The following CPNE8 variants were observed in gnomAD, a reference collection of about 807,000 sequenced individuals.
CPNE8 encodes the protein copine 8, also known as copine-8.
CPNE8 carries 45 observed loss-of-function variants against 81.5 expected under a neutral mutation model. The observed-to-expected ratio is 0.55, with a 90% CI of 0.44 to 0.71. The LOEUF is 0.71. Among genes scored for constraint, CPNE8 ranks in the 30% least tolerant of loss-of-function variants. The pLI is 0.00. For synonymous variants in CPNE8, 252 were observed against 226.3 expected (o/e 1.11, Z -1.02); for missense variants, 594 against 672.1 (o/e 0.88, Z 1.28).
At chr12:38,654,514 C>CA (rs71068569) in intron 19 of CPNE8, among the ~76,000 whole-genome samples, 37,733 of 97,500 alleles carry the variant, frequency 0.39, 8,257 homozygotes, top group East Asian at 0.56. Flanking sequence ...GACTCTGTCT[C>CA]AAAAAAAAAA....
intron 11 of CPNE8, 39 bp from the exon 12 acceptor site, chr12:38,724,938 T>A: frequency 6.7e-7 from 1 of 1,485,366 alleles, no homozygotes; most frequent in Non-Finnish European, 9.2e-7. Context: ...GTGTTAGGTT[T>A]TATACCGAAG....
chr12:38,729,125 G>A, intron 11 of CPNE8, among the ~76,000 whole-genome samples: 1 of 152,104 alleles, frequency 6.6e-6, no homozygotes, highest in Non-Finnish European at 1.5e-5. Flanking sequence ...CTGACTAGCA[G>A]TAGATGATGC....
intron 7 of CPNE8, among the ~76,000 whole-genome samples, chr12:38,773,178 A>G (rs879119604): frequency 3.3e-5 from 5 of 152,150 alleles, no homozygotes; most frequent in Admixed American, 3.3e-4. Context: ...ACTGGAAGGT[A>G]TTATCAAGGA....
At chr12:38,790,861 C>T (rs1006267140) in intron 6 of CPNE8, among the ~76,000 whole-genome samples, 1 of 151,458 alleles carries the variant, frequency 6.6e-6, no homozygotes, top group African/African-American at 2.4e-5. Context: ...TTTGTTTTGC[C>T]CTGTACTGAT....
intron 10 of CPNE8, among the ~76,000 whole-genome samples, chr12:38,755,421 C>T (rs1438332692): frequency 6.6e-6 from 1 of 152,108 alleles, no homozygotes; most frequent in Admixed American, 6.5e-5. Context: ...TCCACTAATG[C>T]TCCCTGAATT....
At chr12:38,744,051 T>C (rs1173418750) in intron 10 of CPNE8, among the ~76,000 whole-genome samples, 3 of 152,136 alleles carry the variant, frequency 2.0e-5, no homozygotes, top group Non-Finnish European at 2.9e-5. Flanking sequence ...GGATCTATTA[T>C]AAGCAGCATC....
At chr12:38,778,432 G>A (rs1194999292) in intron 6 of CPNE8, among the ~76,000 whole-genome samples, 1 of 152,038 alleles carries the variant, frequency 6.6e-6, no homozygotes, top group Non-Finnish European at 1.5e-5. Context: ...TAAAACTATG[G>A]GTTTCACTGT....
At chr12:38,805,860 A>G (rs1942788119) in intron 6 of CPNE8, among the ~76,000 whole-genome samples, 1 of 149,618 alleles carries the variant, frequency 6.7e-6, no homozygotes. Flanking sequence ...ACCACTAGCA[A>G]GACTAATAAA....
chr12:38,676,926 C>A (rs989809585), intron 17 of CPNE8, among the ~76,000 whole-genome samples: 1 of 152,030 alleles, frequency 6.6e-6, no homozygotes, highest in South Asian at 2.1e-4. Context: ...CATTGCTAAA[C>A]CTAGAGACTT....
intron 6 of CPNE8, among the ~76,000 whole-genome samples, chr12:38,784,417 A>G (rs112306746): frequency 6.6e-6 from 1 of 152,210 alleles, no homozygotes; most frequent in Non-Finnish European, 1.5e-5. Flanking sequence ...GGCCTTTTAA[A>G]AAGGAGGCAA....
chr12:38,760,899 G>T lies in CPNE8; in HGVS notation c.681-11C>A, dbSNP rs761012963. 3.9e-6 allele frequency: 6 copies of T among 1,543,200 alleles called. No individual in the cohort carries two copies. The highest frequency in any genetic ancestry group is 1.2e-5 in the South Asian group (1 of 82,052). On this transcript the variant is annotated splice_polypyrimidine_tract_variant and intron_variant, in intron 9 of 19. Transcript: ENST00000331366. ...TCTACTTTGATTGTTCTGTACATGAGAAAAACATACACATAAAGTTACTTA... is the reference window on the plus strand; with the variant it reads ...TCTACTTTGATTGTTCTGTACATGATAAAAACATACACATAAAGTTACTTA...
At chr12:38,692,518 C>A (rs1939699851) in intron 15 of CPNE8, among the ~76,000 whole-genome samples, 6 of 151,960 alleles carry the variant, frequency 3.9e-5, no homozygotes, top group Admixed American at 3.9e-4. Flanking sequence ...TTATTGAGTT[C>A]AAAAAGTTTC....
At chr12:38,792,384 A>G (rs1942346639) in intron 6 of CPNE8, among the ~76,000 whole-genome samples, 2 of 151,534 alleles carry the variant, frequency 1.3e-5, no homozygotes, top group Admixed American at 1.3e-4. Context: ...TAACAAAATC[A>G]GATGAAAGAG....
At chr12:38,762,295 C>T (rs1941589994) in intron 8 of CPNE8, 79 bp from the exon 9 acceptor site, 1 of 707,796 alleles carries the variant, frequency 1.4e-6, no homozygotes, top group Non-Finnish European at 2.2e-6. Context: ...CATTCCTCTG[C>T]TTACTTTTTG....
At chr12:38,839,804 C>G (rs1481463151) in intron 5 of CPNE8, 112 bp downstream of exon 5, 1 of 963,306 alleles carries the variant, frequency 1.0e-6, no homozygotes, top group Non-Finnish European at 1.4e-6. Context: ...TTTTCTATGA[C>G]AATCACGTTA....
intron 6 of CPNE8, among the ~76,000 whole-genome samples, chr12:38,794,045 C>T (rs186879059): frequency 7.2e-5 from 11 of 152,220 alleles, no homozygotes; most frequent in Admixed American, 6.5e-4. Context: ...TTATCTTACA[C>T]TATACACAAA....
chr12:38,750,797 G>A (rs1941339971), intron 10 of CPNE8, among the ~76,000 whole-genome samples: 1 of 152,194 alleles, frequency 6.6e-6, no homozygotes, highest in South Asian at 2.1e-4. Flanking sequence ...TTGAGTTAAT[G>A]CTGAAATGAG....
At chr12:38,724,791 T>C in intron 12 of CPNE8, 55 bp downstream of exon 12, 3 of 1,186,878 alleles carry the variant, frequency 2.5e-6, no homozygotes, top group South Asian at 1.3e-5. Flanking sequence ...GCCATCTACA[T>C]ATATGCTTAT....
chr12:38,793,329 TACACAC>T lies in CPNE8; in HGVS notation c.408-17034_408-17029del, dbSNP rs55794135. On this transcript the variant is annotated intron_variant, in intron 6 of 19. Coordinates refer to ENST00000331366, the MANE Select transcript of CPNE8 (RefSeq NM_153634.3). ...GCATTATGTAGAAAATTCTAAAAAT[TACACAC>T]ACACACACACACACACACACTGTTA... Among the ~76,000 whole-genome samples the T allele has an allele frequency of 2.3e-4, 35 of 149,056 alleles. 1 individual carries two copies. Among genetic ancestry groups the T allele is most frequent in the Middle Eastern group, 6.8e-3 (2 of 292 alleles).
Sources: gnomAD v4.1 joint callset for allele counts (sites outside exome capture counted in the v4.1 genomes callset) on GRCh38, gnomAD v4.1.1 for gene constraint, MANE v1.5 for transcripts, NCBI Gene and HGNC (gene_info 2026-07-23, HGNC 2026-07-21) for gene names.